Variants in ANKH observed in about 807,000 individuals in gnomAD.
ANKH encodes the protein ANKH inorganic pyrophosphate transport regulator.
Under a neutral mutation model 49.0 loss-of-function variants are expected in ANKH, and 15 were observed. That is an observed-to-expected ratio of 0.31 (90% CI 0.20 to 0.47). ANKH has a LOEUF of 0.47. Among genes scored for constraint, ANKH ranks in the 20% least tolerant of loss-of-function variants. The probability of loss-of-function intolerance (pLI) is 1.00; values close to 1 mark genes in which losing one functional copy is unlikely to be tolerated. For synonymous variants in ANKH, 273 were observed against 260.0 expected (o/e 1.05, Z -0.48); for missense variants, 429 against 652.0 (o/e 0.66, Z 3.72).
chr5:14,818,001 T>C (rs1271606557), intron 1 of ANKH, among the ~76,000 whole-genome samples: 1 of 147,468 alleles, frequency 6.8e-6, no homozygotes, highest in African/African-American at 2.5e-5. Flanking sequence ...GAGGTGGAGA[T>C]TGCAGTGAGC....
At position 14,769,042 on chromosome 5, in the gene ANKH, G is replaced by A. The variant is rs781575173; in HGVS notation, c.246C>T (p.Asp82=). 11 of 1,614,208 alleles carry A rather than the reference G, an allele frequency of 6.8e-6. No homozygotes were observed. The highest frequency in any genetic ancestry group is 9.3e-6 in the Non-Finnish European group (11 of 1,180,038). ...VGLVFVNSKR[D]RTKAVLCMVV... ...CCATACACAGGACGGCTTTGGTCCT[G>A]TCTCTCTTGCTGTTCACAAACACCA... Residue 82 remains aspartate (D), a synonymous_variant, in exon 2 of 12, where the codon GAC becomes GAT. Transcript: ENST00000284268.
Position 14,751,622 on chromosome 5 carries a change from G to A in ANKH, c.517-383C>T, listed in dbSNP as rs184674175. ...AATAATGACGGCACAGAGAAGCACT[G>A]CATGTGTGCACCAAACCGAGAGATT... On this transcript the variant is annotated intron_variant, in intron 4 of 11. Transcript: ENST00000284268. Among the ~76,000 whole-genome samples, 5 of 152,280 alleles carry A rather than the reference G, an allele frequency of 3.3e-5. No individual in the cohort carries two copies. In the East Asian group the frequency reaches 9.7e-4, roughly 29 times the overall value.
Position 14,725,642 on chromosome 5 carries a change from T to G in ANKH, c.1012-8807A>C, listed in dbSNP as rs153934. Among the ~76,000 whole-genome samples, 2 of 152,202 alleles carry G rather than the reference T, an allele frequency of 1.3e-5. No homozygotes were observed. The highest frequency in any genetic ancestry group is 4.8e-5 in the African/African-American group (2 of 41,444). On this transcript the variant is annotated intron_variant, in intron 8 of 11. Coordinates refer to ENST00000284268, the MANE Select transcript of ANKH (RefSeq NM_054027.6). This position sits in a 1 kb window ranked among gnomAD's most constrained non-coding sequence, Gnocchi z 4.0. The stretch of plus-strand genomic sequence containing the variant: ...CTGGGACCGTATTCTAACAAAACGC[T>G]AGCAGGGGAGTCCTCTGGAGGTGGT...
chr5:14,798,511 A>T, intron 1 of ANKH: 1 of 837,084 alleles, frequency 1.2e-6, no homozygotes, highest in Non-Finnish European at 1.8e-6. Context: ...TTAATTAACA[A>T]ATTGAAGGTT....
intron 6 of ANKH, 69 bp downstream of exon 6, chr5:14,749,103 A>G (rs1454350458): frequency 6.2e-6 from 10 of 1,603,900 alleles, no homozygotes; most frequent in Non-Finnish European, 7.7e-6. Flanking sequence ...AAGAACTGGA[A>G]ATCAGTTTCA....
chr5:14,778,158 G>A (rs1297908151), intron 1 of ANKH, among the ~76,000 whole-genome samples: 1 of 152,180 alleles, frequency 6.6e-6, no homozygotes, highest in Non-Finnish European at 1.5e-5. Flanking sequence ...CACCCGGCCT[G>A]GGGTCATCCT....
chr5:14,746,109 G>C, intron 6 of ANKH, 147 bp from the exon 7 acceptor site: 1 of 710,234 alleles, frequency 1.4e-6, no homozygotes, highest in Non-Finnish European at 2.5e-6. Context: ...GCAAGCACAG[G>C]ACGGCCCAGG....
intron 3 of ANKH, among the ~76,000 whole-genome samples, chr5:14,756,180 T>C (rs1220920602): frequency 1.3e-5 from 2 of 152,164 alleles, no homozygotes; most frequent in East Asian, 1.9e-4. Context: ...TTAGTACCAA[T>C]TGTATGTAGA....
In ANKH at chr5:14,711,293, A is replaced by G. The variant is rs372305185; in HGVS notation, c.1383T>C (p.Asn461=). Residue 461 remains asparagine, a synonymous_variant, in exon 12 of 12, where the codon AAT becomes AAC. Coordinates refer to ENST00000284268, the MANE Select transcript of ANKH (RefSeq NM_054027.6). The part of the protein sequence containing the change: ...VYRKQKKKME[N]ESATEGEDSA... ...AGTCTTCCCCCTCCGTGGCCGACTC[A>G]TTCTCCATCTTCTTTTTCTAGACCA... The G allele has an allele frequency of 4.9e-5, 79 of 1,613,894 alleles. 1 individual carries two copies. Among genetic ancestry groups the G allele is most frequent in the Non-Finnish European group, 6.7e-5 (79 of 1,179,986 alleles).
intron 1 of ANKH, among the ~76,000 whole-genome samples, chr5:14,792,740 C>T (rs561345670): frequency 4.0e-5 from 6 of 151,482 alleles, no homozygotes; most frequent in Middle Eastern, 6.8e-3. Context: ...TTTGGGAGGC[C>T]GAGACAGGTG....
At chr5:14,751,313 T>A in intron 4 of ANKH, 74 bp from the exon 5 acceptor site, 1 of 1,480,138 alleles carries the variant, frequency 6.8e-7, no homozygotes, top group Non-Finnish European at 9.4e-7. Flanking sequence ...AGGGGCACGC[T>A]CTTGAACCTG....
intron 8 of ANKH, among the ~76,000 whole-genome samples, chr5:14,727,183 T>C (rs1303850693): frequency 6.6e-6 from 1 of 152,166 alleles, no homozygotes; most frequent in Non-Finnish European, 1.5e-5. Flanking sequence ...GCTAAGGAGC[T>C]TGGAAAAGCA....
At chr5:14,784,741 C>A (rs1017335524) in intron 1 of ANKH, among the ~76,000 whole-genome samples, 1 of 152,156 alleles carries the variant, frequency 6.6e-6, no homozygotes, top group Non-Finnish European at 1.5e-5. Context: ...AGTGCAAGAA[C>A]TGCCAGGACT....
intron 1 of ANKH, among the ~76,000 whole-genome samples, chr5:14,773,991 TTAAA>T (rs1394935160): frequency 6.6e-6 from 1 of 152,252 alleles, no homozygotes; most frequent in Admixed American, 6.5e-5. Flanking sequence ...AATGACCACA[TTAAA>T]TATACACATT....
intron 1 of ANKH, among the ~76,000 whole-genome samples, chr5:14,828,452 A>T (rs1741408431): frequency 6.6e-6 from 1 of 152,084 alleles, no homozygotes; most frequent in African/African-American, 2.4e-5. Flanking sequence ...ACTTGAACTC[A>T]GGAGGTGGAG....
At chr5:14,861,365 C>T (rs565121931) in intron 1 of ANKH, among the ~76,000 whole-genome samples, 2 of 152,330 alleles carry the variant, frequency 1.3e-5, no homozygotes, top group East Asian at 3.9e-4. Context: ...CCTCATTAAC[C>T]TGTCAGCAGA....
At chr5:14,852,177 G>A (rs1742139095) in intron 1 of ANKH, among the ~76,000 whole-genome samples, 1 of 152,198 alleles carries the variant, frequency 6.6e-6, no homozygotes, top group South Asian at 2.1e-4. Context: ...AGCTACCTGG[G>A]AGGCCAAGGC....
chr5:14,727,918 C>T (rs1190242731), intron 8 of ANKH, among the ~76,000 whole-genome samples: 2 of 152,204 alleles, frequency 1.3e-5, no homozygotes, highest in Non-Finnish European at 2.9e-5. Flanking sequence ...TAACAGCACA[C>T]TCTGTTCATT....
chr5:14,809,568 A>G (rs1359571848), intron 1 of ANKH, among the ~76,000 whole-genome samples: 1 of 152,146 alleles, frequency 6.6e-6, no homozygotes, highest in East Asian at 1.9e-4. Context: ...CAGTCAATCA[A>G]TAAGTGTCAT....
Sources: gnomAD v4.1 joint callset for allele counts (sites outside exome capture counted in the v4.1 genomes callset) on GRCh38, gnomAD v4.1.1 for gene constraint, Gnocchi (gnomAD v3.1) non-coding constraint, MANE v1.5 for transcripts, NCBI Gene and HGNC (gene_info 2026-07-23, HGNC 2026-07-21) for gene names.